LTB4R2: variants seen among roughly 807,000 people sequenced by gnomAD.
The protein encoded by LTB4R2 is LTB4 receptor JULF2.
In LTB4R2, 6 loss-of-function variants were observed where a neutral mutation model predicts 5.3. The observed-to-expected ratio is 1.14, with a 90% confidence interval of 0.62 to 2.24. The LOEUF (loss-of-function observed/expected upper bound fraction) is 2.24. LTB4R2 is among the 30% of genes most tolerant of loss of function. The probability of loss-of-function intolerance (pLI) is 0.00; values close to 1 mark genes in which losing one functional copy is unlikely to be tolerated. For synonymous variants in LTB4R2, 310 were observed against 264.2 expected (o/e 1.17, Z -1.68); for missense variants, 560 against 521.5 (o/e 1.07, Z -0.72).
rs760791457 is a variant in LTB4R2 at position 24,311,219 on chromosome 14, G to A, written c.555G>A (p.Glu185=). 1 of 1,609,264 alleles carries A rather than the reference G, an allele frequency of 6.2e-7. No individual in the cohort carries two copies. The highest frequency in any genetic ancestry group is 8.5e-7 in the Non-Finnish European group (1 of 1,178,280). Residue 185 remains glutamate, a synonymous_variant, in exon 2 of 2, where the codon GAG becomes GAA. Transcript: ENST00000533293. ...PVHAAAHLSL[E]TLTAFVLPFG... ...ACGCCGCCGCCCACCTGAGCCTGGA[G>A]ACTCTGACCGCTTTCGTGCTTCCTT...
rs752569203 is a variant in LTB4R2 at position 24,310,907 on chromosome 14, C to T, written c.243C>T (p.Phe81=). The part of the protein sequence containing the change: ...VLLLTPLFVA[F]LTRQAWPLGQ... ...TGCTCACGCCGCTCTTTGTGGCCTT[C>T]CTGACCCGGCAGGCCTGGCCGCTGG... Residue 81 remains phenylalanine (F), a synonymous_variant, in exon 2 of 2, where the codon TTC becomes TTT. Transcript: ENST00000533293. 12 of 1,592,842 alleles carry T rather than the reference C, an allele frequency of 7.5e-6. No homozygotes were observed. The South Asian group carries it at 1.0e-4, about 13-fold the overall frequency.
At position 24,311,844 on chromosome 14, in the gene LTB4R2, G is replaced by C. The variant is rs1034748696; in HGVS notation, c.*103G>C. The C allele has an allele frequency of 1.1e-5, 12 of 1,102,990 alleles. No homozygotes were observed. The Admixed American group carries it at 3.5e-4, about 32-fold the overall frequency. 68.3% of individuals were successfully genotyped at this position (1,102,990 alleles called of 1,614,324 possible). The stretch of plus-strand genomic sequence containing the variant: ...ACATTTGGGGACCCTTCTTTGACTA[G>C]AGTTTGGATCTGGCTGGGTAGGATT... On this transcript the variant is annotated 3_prime_UTR_variant, in exon 2 of 2. Coordinates refer to ENST00000533293, the MANE Select transcript of LTB4R2 (RefSeq NM_019839.5).
In LTB4R2 at chr14:24,311,745, C is replaced by T. The variant is rs952299146; in HGVS notation, c.*4C>T. ...CGGTCCGGAATGGGACCTTTGACAG[C>T]AGACCCTACAACCTGCTGCCCTTCC... On this transcript the variant is annotated 3_prime_UTR_variant, in exon 2 of 2. Coordinates refer to ENST00000533293, the MANE Select transcript of LTB4R2 (RefSeq NM_019839.5). The T allele has an allele frequency of 1.9e-6, 3 of 1,564,372 alleles. No homozygotes were observed. In the African/African-American group the frequency reaches 4.1e-5, roughly 21 times the overall value.
Position 24,311,916 on chromosome 14 carries a change from T to A in LTB4R2, c.*175T>A. On this transcript the variant is annotated 3_prime_UTR_variant, in exon 2 of 2. Transcript: ENST00000533293. The stretch of plus-strand genomic sequence containing the variant: ...CAGGCTCCTCCAAACTGAGGGATTA[T>A]GAGGGTGGTGATGGTCCCTGTTAAG... The A allele has an allele frequency of 3.2e-6, 2 of 630,654 alleles. No individual in the cohort carries two copies. Among genetic ancestry groups the A allele is most frequent in the Non-Finnish European group, 5.5e-6 (2 of 361,336 alleles). 39.1% of individuals were successfully genotyped at this position (630,654 alleles called of 1,614,324 possible).
Position 24,311,539 on chromosome 14 carries a change from C to T in LTB4R2, c.875C>T (p.Ala292Val). The change falls in exon 2 of 2, where the codon GCT becomes GTT. Residue 292 changes from alanine (A) to valine (V), a missense_variant. Physicochemically the swap from Ala to Val is moderately conservative, Grantham distance 64. Transcript: ENST00000533293. ...SVNPVLYVFT[A>V]GDLLPRAGPR... ...AACCCGGTGCTCTACGTCTTCACCG[C>T]TGGAGATCTGCTGCCCCGGGCAGGT... The T allele has an allele frequency of 1.9e-6, 3 of 1,606,134 alleles. No homozygotes were observed. Among genetic ancestry groups the T allele is most frequent in the Non-Finnish European group, 2.5e-6 (3 of 1,179,992 alleles).
At position 24,311,190 on chromosome 14, in the gene LTB4R2, G is replaced by T; in HGVS notation, c.526G>T (p.Val176Phe). 2 of 1,608,074 alleles carry T rather than the reference G, an allele frequency of 1.2e-6. No homozygotes were observed. Among genetic ancestry groups the T allele is most frequent in the Non-Finnish European group, 1.7e-6 (2 of 1,177,934 alleles). The change falls in exon 2 of 2, where the codon GTC becomes TTC. Residue 176 changes from valine (V) to phenylalanine (F), a missense_variant. Val to Phe is a conservative substitution (Grantham distance 50). Coordinates refer to ENST00000533293, the MANE Select transcript of LTB4R2 (RefSeq NM_019839.5). ...RVCQLCHPSP[V>F]HAAAHLSLET... is the part of the protein sequence containing the mutation. ...ATGCCAGCTGTGCCACCCGTCGCCG[G>T]TCCACGCCGCCGCCCACCTGAGCCT...
Position 24,311,214 on chromosome 14 carries a change from C to G in LTB4R2, c.550C>G (p.Leu184Val), listed in dbSNP as rs775746953. Residue 184 changes from leucine to valine, a missense_variant, in exon 2 of 2, where the codon CTG (leucine) becomes GTG (valine). Leu to Val is a conservative substitution (Grantham distance 32). Coordinates refer to ENST00000533293, the MANE Select transcript of LTB4R2 (RefSeq NM_019839.5). The part of the protein sequence containing the change: ...SPVHAAAHLS[L>V]ETLTAFVLPF... The stretch of plus-strand genomic sequence containing the variant: ...GGTCCACGCCGCCGCCCACCTGAGC[C>G]TGGAGACTCTGACCGCTTTCGTGCT... 1 of 1,609,266 alleles carries G rather than the reference C, an allele frequency of 6.2e-7. No homozygotes were observed. The highest frequency in any genetic ancestry group is 8.5e-7 in the Non-Finnish European group (1 of 1,178,278).
chr14:24,310,912 C>G lies in LTB4R2; in HGVS notation c.248C>G (p.Thr83Ser), dbSNP rs755992705. The G allele has an allele frequency of 7.6e-6, 12 of 1,589,090 alleles. No homozygotes were observed. The South Asian group carries it at 7.8e-5, about 10-fold the overall frequency. Residue 83 changes from threonine (T) to serine (S), a missense_variant, in exon 2 of 2, where the codon ACC (threonine) becomes AGC (serine). Physicochemically the swap from Thr to Ser is moderately conservative, Grantham distance 58. Transcript: ENST00000533293. ...ACGCCGCTCTTTGTGGCCTTCCTGA[C>G]CCGGCAGGCCTGGCCGCTGGGCCAG... ...LLTPLFVAFL[T>S]RQAWPLGQAG...
In LTB4R2 at chr14:24,310,873, C is replaced by T. The variant is rs1247680412; in HGVS notation, c.209C>T (p.Ala70Val). Residue 70 changes from alanine to valine, a missense_variant, in exon 2 of 2, where the codon GCG (alanine) becomes GTG (valine). Coordinates refer to ENST00000533293, the MANE Select transcript of LTB4R2 (RefSeq NM_019839.5). ...CTGCACCTGGCGCTGGCCGACGGCG[C>T]GGTGCTGCTGCTCACGCCGCTCTTT... is the stretch of plus-strand genomic sequence containing the variant. ...LVLHLALADG[A>V]VLLLTPLFVA... is the part of the protein sequence containing the mutation. 4.4e-6 allele frequency: 7 copies of T among 1,592,140 alleles called. No homozygotes were observed. The East Asian group carries it at 6.7e-5, about 15-fold the overall frequency.
Position 24,311,645 on chromosome 14 carries a change from C to G in LTB4R2, c.981C>G (p.Leu327=), listed in dbSNP as rs767438477. ...GGRSREGTME[L]RTTPQLKVVG... ...GCTCTAGGGAAGGGACCATGGAGCT[C>G]CGAACTACCCCTCAGCTGAAAGTGG... The change falls in exon 2 of 2, where the codon CTC becomes CTG. Residue 327 remains leucine, a synonymous_variant. Coordinates refer to ENST00000533293, the MANE Select transcript of LTB4R2 (RefSeq NM_019839.5). The G allele has an allele frequency of 3.0e-5, 48 of 1,613,156 alleles. No homozygotes were observed. The highest frequency in any genetic ancestry group is 3.6e-5 in the Non-Finnish European group (43 of 1,179,788).
rs2041714355 is a variant in LTB4R2 at position 24,311,792 on chromosome 14, C to T, written c.*51C>T. ...TTCCCTGTCCCTTTCCACCCCCCAC[C>T]CACCCTCCAGAGGTCAGTGTTCTGG... On this transcript the variant is annotated 3_prime_UTR_variant, in exon 2 of 2. Coordinates refer to ENST00000533293, the MANE Select transcript of LTB4R2 (RefSeq NM_019839.5). 1 of 1,457,088 alleles carries T rather than the reference C, an allele frequency of 6.9e-7. No individual in the cohort carries two copies. Among genetic ancestry groups the T allele is most frequent in the African/African-American group, 1.4e-5 (1 of 70,486 alleles). The allele number at this position is 1,457,088 out of a possible 1,614,324, so 90.3% of individuals were successfully genotyped here. A position where few individuals can be genotyped will look rare whatever the true frequency, so the allele number is the denominator to read the frequency against.
In LTB4R2 at chr14:24,310,695, G is replaced by A. The variant is rs2041664238; in HGVS notation, c.31G>A (p.Glu11Lys). The change falls in exon 2 of 2, where the codon GAG becomes AAG. Residue 11 changes from glutamate (E) to lysine (K), a missense_variant. Glu to Lys is a moderately conservative substitution (Grantham distance 56, BLOSUM62 1). Transcript: ENST00000533293. ...GGTCTGCTACCGTCCCCCAGGGAAC[G>A]AGACACTGCTGAGCTGGAAGACTTC... MSVCYRPPGN[E>K]TLLSWKTSRA... The A allele has an allele frequency of 3.1e-6, 5 of 1,613,598 alleles. No homozygotes were observed. Among genetic ancestry groups the A allele is most frequent in the Non-Finnish European group, 3.4e-6 (4 of 1,180,012 alleles).
At position 24,311,180 on chromosome 14, in the gene LTB4R2, C is replaced by A; in HGVS notation, c.516C>A (p.His172Gln). The change falls in exon 2 of 2, where the codon CAC becomes CAA. Residue 172 changes from histidine (H) to glutamine (Q), a missense_variant. By Grantham distance (24) the His-to-Gln change is conservative. Coordinates refer to ENST00000533293, the MANE Select transcript of LTB4R2 (RefSeq NM_019839.5). ...GGGACCGCGTATGCCAGCTGTGCCA[C>A]CCGTCGCCGGTCCACGCCGCCGCCC... ...LWRDRVCQLC[H>Q]PSPVHAAAHL... is the part of the protein sequence containing the mutation. 6.2e-7 allele frequency: 1 copy of A among 1,607,326 alleles called. No homozygotes were observed.
chr14:24,311,422 C>T lies in LTB4R2; in HGVS notation c.758C>T (p.Ala253Val), dbSNP rs778968644. The part of the protein sequence containing the change: ...VNLLQAVAAL[A>V]PPEGALAKLG... ...CTTCTGCAGGCGGTCGCAGCGCTGG[C>T]TCCACCGGAAGGGGCCTTGGCGAAG... The change falls in exon 2 of 2, where the codon GCT becomes GTT. Residue 253 changes from alanine to valine, a missense_variant. Physicochemically the swap from Ala to Val is moderately conservative, Grantham distance 64. Transcript: ENST00000533293. The T allele has an allele frequency of 6.2e-7, 1 of 1,601,434 alleles. No individual in the cohort carries two copies. The highest frequency in any genetic ancestry group is 8.5e-7 in the Non-Finnish European group (1 of 1,179,744).
chr14:24,310,819 G>T lies in LTB4R2; in HGVS notation c.155G>T (p.Arg52Leu). 2.5e-6 allele frequency: 4 copies of T among 1,594,522 alleles called. No homozygotes were observed. Among genetic ancestry groups the T allele is most frequent in the Non-Finnish European group, 3.4e-6 (4 of 1,173,578 alleles). ...VWSLAGWRPA[R>L]GRPLAATLVL... ...AGCTTGGCGGGCTGGCGGCCTGCAC[G>T]GGGGCGACCGCTGGCGGCCACGCTT... Residue 52 changes from arginine to leucine, a missense_variant, in exon 2 of 2, where the codon CGG (arginine) becomes CTG (leucine). Arg to Leu is a moderately radical substitution (Grantham distance 102). Coordinates refer to ENST00000533293, the MANE Select transcript of LTB4R2 (RefSeq NM_019839.5).
rs2041709400 is a variant in LTB4R2 at position 24,311,655 on chromosome 14, C to G, written c.991C>G (p.Pro331Ala). 1 of 1,612,882 alleles carries G rather than the reference C, an allele frequency of 6.2e-7. No individual in the cohort carries two copies. The change falls in exon 2 of 2, where the codon CCT becomes GCT. Residue 331 changes from proline (P) to alanine (A), a missense_variant. Physicochemically the swap from Pro to Ala is conservative, Grantham distance 27. Coordinates refer to ENST00000533293, the MANE Select transcript of LTB4R2 (RefSeq NM_019839.5). ...AGGGACCATGGAGCTCCGAACTACC[C>G]CTCAGCTGAAAGTGGTGGGGCAGGG... ...REGTMELRTT[P>A]QLKVVGQGRG...
At chr14:24,310,508 T>G in intron 1 of LTB4R2, 147 bp from the exon 2 acceptor site, 1 of 809,792 alleles carries the variant, frequency 1.2e-6, no homozygotes. Flanking sequence ...GGGGTCTGGG[T>G]CCTCGTGGAA....
At position 24,311,697 on chromosome 14, in the gene LTB4R2, C is replaced by T; in HGVS notation, c.1033C>T (p.Pro345Ser). ...VVGQGRGNGDPGGGMEKDGPE... is the reference protein window; with the variant it reads ...VVGQGRGNGDSGGGMEKDGPE... ...GGGGCAGGGCCGCGGCAATGGAGACCCGGGGGGTGGGATGGAGAAGGACGG... is the reference window on the plus strand; with the variant it reads ...GGGGCAGGGCCGCGGCAATGGAGACTCGGGGGGTGGGATGGAGAAGGACGG... The change falls in exon 2 of 2, where the codon CCG becomes TCG. Residue 345 changes from proline (P) to serine (S), a missense_variant. Transcript: ENST00000533293. The T allele has an allele frequency of 6.2e-7, 1 of 1,606,466 alleles. No homozygotes were observed. Among genetic ancestry groups the T allele is most frequent in the Non-Finnish European group, 8.5e-7 (1 of 1,175,098 alleles).
chr14:24,311,581 G>T lies in LTB4R2; in HGVS notation c.917G>T (p.Arg306Leu), dbSNP rs772592210. 1 of 1,611,394 alleles carries T rather than the reference G, an allele frequency of 6.2e-7. No individual in the cohort carries two copies. Among genetic ancestry groups the T allele is most frequent in the Non-Finnish European group, 8.5e-7 (1 of 1,180,006 alleles). The change falls in exon 2 of 2, where the codon CGG becomes CTG. Residue 306 changes from arginine to leucine, a missense_variant. By Grantham distance (102) the Arg-to-Leu change is moderately radical. Coordinates refer to ENST00000533293, the MANE Select transcript of LTB4R2 (RefSeq NM_019839.5). The stretch of plus-strand genomic sequence containing the variant: ...CGGGCAGGTCCCCGTTTCCTCACGC[G>T]GCTCTTCGAAGGCTCTGGGGAGGCC... ...LPRAGPRFLT[R>L]LFEGSGEARG...
Sources: allele counts gnomAD v4.1 joint callset, GRCh38; gene constraint gnomAD v4.1.1; transcripts MANE v1.5; gene names NCBI Gene and HGNC (gene_info 2026-07-23, HGNC 2026-07-21).